The following SLCO5A1 variants were observed in gnomAD, a reference collection of about 807,000 sequenced individuals.
SLCO5A1 encodes organic anion transporter polypeptide-related protein 4.
A neutral mutation model predicts 65.1 loss-of-function variants in SLCO5A1; 39 were observed. The ratio of observed to expected loss-of-function variants is 0.60; its 90% CI spans 0.46 to 0.78. The LOEUF is 0.78. Among genes scored for constraint, SLCO5A1 ranks in the 30% least tolerant of loss-of-function variants. The pLI is 0.00. For synonymous variants in SLCO5A1, 438 were observed against 415.7 expected (o/e 1.05, Z -0.65); for missense variants, 1,029 against 1,069.4 (o/e 0.96, Z 0.53).
At chr8:69,716,943 C>T (rs60163235) in intron 5 of SLCO5A1, among the ~76,000 whole-genome samples, 2,127 of 152,144 alleles carry the variant, frequency 0.014, 50 homozygotes, top group African/African-American at 0.048. Flanking sequence ...CCACCCCCAG[C>T]TAATTTTTGT....
intron 4 of SLCO5A1, among the ~76,000 whole-genome samples, chr8:69,751,721 A>AT (rs1586757787): frequency 6.6e-6 from 1 of 151,932 alleles, no homozygotes; most frequent in East Asian, 1.9e-4. Context: ...TAATTTTTTT[A>AT]TTTTAAGTAG....
intron 5 of SLCO5A1, among the ~76,000 whole-genome samples, chr8:69,706,330 T>C (rs1040672347): frequency 1.3e-5 from 2 of 152,182 alleles, no homozygotes; most frequent in Non-Finnish European, 2.9e-5. Context: ...GAGGGATTCA[T>C]GGTATAAGGA....
At chr8:69,785,520 T>C (rs1819013642) in intron 2 of SLCO5A1, among the ~76,000 whole-genome samples, 1 of 152,188 alleles carries the variant, frequency 6.6e-6, no homozygotes, top group Admixed American at 6.5e-5. Context: ...TATAAAGTGC[T>C]TCCTGTGTGC....
Position 69,668,049 on chromosome 8 carries a change from T to C in SLCO5A1, c.*4820A>G, listed in dbSNP as rs10103251. ...AATACTTTTTAGCACCAAGGCATTT[T>C]TTTTAATGTTGCAAAAGCAAACACC... On this transcript the variant is annotated 3_prime_UTR_variant, in exon 10 of 10. Transcript: ENST00000260126. The C allele has an allele frequency of 0.88, 134,614 of 152,268 alleles. 59,602 individuals carry two copies. The highest frequency in any genetic ancestry group is 0.91 in the Middle Eastern group (268 of 294). 9.4% of individuals were successfully genotyped at this position (152,268 alleles called of 1,614,324 possible).
rs933051246 is a variant in SLCO5A1 at position 69,672,590 on chromosome 8, C to A, written c.*279G>T. ...TGGTTTTGCTAACCGTGTACCTCAG[C>A]CTGTACCGTAGGGGAGCATGAGCTT... On this transcript the variant is annotated 3_prime_UTR_variant, in exon 10 of 10. Coordinates refer to ENST00000260126, the MANE Select transcript of SLCO5A1 (RefSeq NM_030958.3). 10 of 426,616 alleles carry A rather than the reference C, an allele frequency of 2.3e-5. No individual in the cohort carries two copies. The highest frequency in any genetic ancestry group is 3.8e-5 in the Non-Finnish European group (9 of 238,228). 26.4% of individuals were successfully genotyped at this position (426,616 alleles called of 1,614,324 possible).
chr8:69,808,698 C>T (rs1019390397), intron 2 of SLCO5A1, among the ~76,000 whole-genome samples: 2 of 152,074 alleles, frequency 1.3e-5, no homozygotes, highest in African/African-American at 2.4e-5. Context: ...ATGAGATTGC[C>T]GGGTCAAATG....
chr8:69,724,964 T>G (rs1815997493), intron 5 of SLCO5A1, among the ~76,000 whole-genome samples: 1 of 152,208 alleles, frequency 6.6e-6, no homozygotes, highest in Non-Finnish European at 1.5e-5. Context: ...ATAATAATCC[T>G]GGTTCTCCTG....
intron 6 of SLCO5A1, among the ~76,000 whole-genome samples, chr8:69,684,646 A>G (rs1242206848): frequency 2.6e-5 from 4 of 152,166 alleles, no homozygotes; most frequent in Non-Finnish European, 1.5e-5. Context: ...AATAGTGGGT[A>G]TAAATATAGC....
intron 5 of SLCO5A1, among the ~76,000 whole-genome samples, chr8:69,715,876 T>C (rs2380582): frequency 2.0e-5 from 3 of 151,928 alleles, no homozygotes; most frequent in African/African-American, 7.3e-5. Flanking sequence ...TACAGTTTAA[T>C]GTTTTTAGTA....
At chr8:69,819,729 A>G (rs1820557930) in intron 2 of SLCO5A1, among the ~76,000 whole-genome samples, 1 of 152,184 alleles carries the variant, frequency 6.6e-6, no homozygotes, top group Admixed American at 6.5e-5. Flanking sequence ...TGGGAGGCCG[A>G]GGTGGGCAGA....
chr8:69,680,120 G>A (rs915772205), intron 7 of SLCO5A1, among the ~76,000 whole-genome samples: 4 of 152,162 alleles, frequency 2.6e-5, no homozygotes, highest in African/African-American at 9.7e-5. Context: ...TCTCATTGGT[G>A]TTCCGTTTTC....
chr8:69,705,273 C>G, intron 5 of SLCO5A1, 44 bp from the exon 6 acceptor site: 1 of 1,576,922 alleles, frequency 6.3e-7, no homozygotes, highest in Non-Finnish European at 8.7e-7. Flanking sequence ...CTCATGTACA[C>G]TATTATTCAT....
At chr8:69,762,174 CTTTCTTTCTTTCTTTCTTTCT>C in intron 2 of SLCO5A1, among the ~76,000 whole-genome samples, 1 of 67,268 alleles carries the variant, frequency 1.5e-5, no homozygotes, top group African/African-American at 4.6e-5. Flanking sequence ...TTCTTTCTTT[CTTTCTTTCTTTCTTTCTTTCT>C]TTCTTTTTTG....
chr8:69,711,354 C>A lies in SLCO5A1; in HGVS notation c.1424-6125G>T, dbSNP rs112828479. On this transcript the variant is annotated intron_variant, in intron 5 of 9. Coordinates refer to ENST00000260126, the MANE Select transcript of SLCO5A1 (RefSeq NM_030958.3). ...CACCTCTCTGCGCCTCTGCCCCGAC[C>A]CTGCCGCGTTCCCAGCCTCGGAGGG... 3.4e-3 allele frequency among the ~76,000 whole-genome samples: 513 copies of A among 152,284 alleles called. 1 individual carries two copies. Among genetic ancestry groups the A allele is most frequent in the African/African-American group, 0.011 (463 of 41,546 alleles).
rs1369379530 is a variant in SLCO5A1 at position 69,830,191 on chromosome 8, C to G, written c.907+1576G>C. Among the ~76,000 whole-genome samples the G allele has an allele frequency of 2.0e-5, 3 of 152,070 alleles. No homozygotes were observed. In the East Asian group the frequency reaches 5.8e-4, roughly 29 times the overall value. ...GGGGATTACTGAGGACTCAAACACC[C>G]CTCTATAACAGCTTTTGGGGACAGT... On this transcript the variant is annotated intron_variant, in intron 2 of 9. Transcript: ENST00000260126.
At chr8:69,823,452 C>G (rs529494176) in intron 2 of SLCO5A1, among the ~76,000 whole-genome samples, 15 of 151,674 alleles carry the variant, frequency 9.9e-5, no homozygotes, top group African/African-American at 3.4e-4. Flanking sequence ...AAATGGAAAA[C>G]AAAAAAAGGC....
At chr8:69,685,409 C>T (rs963950705) in intron 6 of SLCO5A1, among the ~76,000 whole-genome samples, 5 of 152,174 alleles carry the variant, frequency 3.3e-5, no homozygotes, top group African/African-American at 1.2e-4. Flanking sequence ...TGCCCTCATC[C>T]TTGTGCAAAA....
intron 5 of SLCO5A1, among the ~76,000 whole-genome samples, chr8:69,737,305 C>T (rs1816603087): frequency 6.6e-6 from 1 of 152,166 alleles, no homozygotes; most frequent in African/African-American, 2.4e-5. Context: ...TTTAAATACA[C>T]TTCAACTACT....
At chr8:69,809,792 G>A (rs1758558253) in intron 2 of SLCO5A1, among the ~76,000 whole-genome samples, 1 of 151,670 alleles carries the variant, frequency 6.6e-6, no homozygotes, top group Non-Finnish European at 1.5e-5. Context: ...TACTTTTTTT[G>A]CTTTGGTTGT....
Sources: allele counts gnomAD v4.1 joint callset (sites outside exome capture counted in the v4.1 genomes callset), GRCh38; gene constraint gnomAD v4.1.1; transcripts MANE v1.5; gene names NCBI Gene and HGNC (gene_info 2026-07-23, HGNC 2026-07-21).